The following HTT variants were observed in gnomAD, a reference collection of about 807,000 sequenced individuals.
HTT encodes the protein huntington disease protein.
HTT carries 104 observed loss-of-function variants against 362.3 expected under a neutral mutation model. The ratio of observed to expected loss-of-function variants is 0.29; its 90% CI spans 0.24 to 0.34. The LOEUF is 0.34. Among genes scored for constraint, HTT ranks in the 10% least tolerant of loss-of-function variants. The pLI is 1.00. For synonymous variants in HTT, 1,577 were observed against 1,548.7 expected, an observed-to-expected ratio of 1.02 and a Z score of -0.43; for missense variants, 3,301 against 3,928.6, an observed-to-expected ratio of 0.84 and a Z score of 4.27.
rs115388068 is a variant in HTT at position 3,171,421 on chromosome 4, G to A, written c.3865-899G>A. ...GCATTCTGAATGCCTAGGTATCTAG[G>A]CATTCAGAATGGTGGCGCTCTTTGA... On this transcript the variant is annotated intron_variant, in intron 29 of 66. Transcript: ENST00000355072. 3.2e-3 allele frequency among the ~76,000 whole-genome samples: 486 copies of A among 151,762 alleles called. 1 individual carries two copies. The highest frequency in any genetic ancestry group is 0.011 in the African/African-American group (472 of 41,390).
chr4:3,204,128 A>T lies in HTT; in HGVS notation c.5698A>T (p.Ile1900Phe). The T allele has an allele frequency of 6.2e-7, 1 of 1,614,186 alleles. No homozygotes were observed. Among genetic ancestry groups the T allele is most frequent in the Non-Finnish European group, 8.5e-7 (1 of 1,180,024 alleles). Residue 1900 changes from isoleucine to phenylalanine, a missense_variant, in exon 42 of 67, where the codon ATT (isoleucine) becomes TTT (phenylalanine). Ile to Phe is a conservative substitution (Grantham distance 21). This residue lies in a region of HTT where 2,316 missense variants were observed against 2,658.5 expected (regional missense o/e 0.87). Coordinates refer to ENST00000355072, the MANE Select transcript of HTT (RefSeq NM_001388492.1). ...NREIVRRGAL[I>F]LFCDYVCQNL... Reference sequence around the variant, plus strand: ...AGAAATAGTACGAAGAGGGGCTCTCATTCTCTTCTGTGATTATGTCGTAAG... The same window carrying T: ...AGAAATAGTACGAAGAGGGGCTCTCTTTCTCTTCTGTGATTATGTCGTAAG...
chr4:3,236,198 C>T lies in HTT; in HGVS notation c.8835C>T (p.Ala2945=). Residue 2945 remains alanine (A), a synonymous_variant, in exon 64 of 67, where the codon GCC becomes GCT. Transcript: ENST00000355072. ...PGRTSDPNPA[A]PDSESVIVAM... ...GAACTTCAGACCCTAATCCTGCAGC[C>T]CCCGACAGCGAGTCAGTGATTGTTG... is the stretch of plus-strand genomic sequence containing the variant. 1 of 1,614,196 alleles carries T rather than the reference C, an allele frequency of 6.2e-7. No individual in the cohort carries two copies. Among genetic ancestry groups the T allele is most frequent in the Non-Finnish European group, 8.5e-7 (1 of 1,180,006 alleles).
intron 29 of HTT, among the ~76,000 whole-genome samples, chr4:3,169,933 T>C (rs1241305402): frequency 1.3e-5 from 2 of 152,208 alleles, no homozygotes; most frequent in Non-Finnish European, 2.9e-5. Flanking sequence ...TTAGGTCTTT[T>C]AAAAATGTCT....
chr4:3,238,753 C>A, intron 65 of HTT, 65 bp from the exon 66 acceptor site: 1 of 1,216,194 alleles, frequency 8.2e-7, no homozygotes. Flanking sequence ...CCCCGCCACC[C>A]AGGCGCAGCA....
In HTT at chr4:3,084,220, T is replaced by C. The variant is rs1713078662; in HGVS notation, c.264-2719T>C. 3.1e-5 allele frequency among the ~76,000 whole-genome samples: 3 copies of C among 96,156 alleles called. 1 individual carries two copies. The South Asian group carries it at 8.7e-4, about 28-fold the overall frequency. 63.1% of individuals were successfully genotyped at this position (96,156 alleles called of 152,430 possible). A position where few individuals can be genotyped will look rare whatever the true frequency, so the allele number is the denominator to read the frequency against. On this transcript the variant is annotated intron_variant, in intron 1 of 66. Coordinates refer to ENST00000355072, the MANE Select transcript of HTT (RefSeq NM_001388492.1). ...TGTCTTTTTTTTTTTTTTTTTTTTT[T>C]TGGCGACAGAGTCTTGCTCTGTTGC...
At chr4:3,077,825 CT>C (rs1411313213) in intron 1 of HTT, among the ~76,000 whole-genome samples, 2 of 152,078 alleles carry the variant, frequency 1.3e-5, no homozygotes, top group African/African-American at 4.8e-5. Flanking sequence ...TCATATTTCT[CT>C]GTATTTTGCT....
At chr4:3,236,849 C>G (rs142777746) in intron 64 of HTT, among the ~76,000 whole-genome samples, 2 of 151,882 alleles carry the variant, frequency 1.3e-5, no homozygotes, top group Non-Finnish European at 2.9e-5. Context: ...GGCTTTTTCT[C>G]AAGGACAAGG....
In HTT at chr4:3,229,979, A is replaced by G. The variant is rs200586785; in HGVS notation, c.8202A>G (p.Glu2734=). Residue 2734 remains glutamate, a synonymous_variant, in exon 60 of 67, where the codon GAA becomes GAG. Transcript: ENST00000355072. ...AACTGCGAAGGGTGCACCCTTCAGA[A>G]GACGAGATCCTCGCTCAGTACCTGG... is the stretch of plus-strand genomic sequence containing the variant. ...LTELRRVHPS[E]DEILAQYLVP... 23 of 1,614,074 alleles carry G rather than the reference A, an allele frequency of 1.4e-5. No individual in the cohort carries two copies. In the African/African-American group the frequency reaches 2.8e-4, roughly 20 times the overall value.
At chr4:3,172,710 A>G (rs573132713) in intron 30 of HTT, among the ~76,000 whole-genome samples, 198 bp from the exon 31 acceptor site, 3 of 152,354 alleles carry the variant, frequency 2.0e-5, no homozygotes, top group African/African-American at 7.2e-5. Context: ...AAGGAAACCC[A>G]AAACGCCTAT....
intron 63 of HTT, 152 bp from the exon 64 acceptor site, chr4:3,235,997 C>G (rs887153370): frequency 1.2e-5 from 9 of 723,240 alleles, no homozygotes; most frequent in Admixed American, 2.2e-5. Flanking sequence ...TCCCATGTGG[C>G]TGAGCTGGGC....
rs143282685 is a variant in HTT, at chr4:3,211,195, C to T, written c.6415-734C>T. 2.6e-4 allele frequency among the ~76,000 whole-genome samples: 39 copies of T among 152,290 alleles called. No homozygotes were observed. The East Asian group carries it at 7.3e-3, about 29-fold the overall frequency. ...CTGGGATTATAGGCCTGAGCCACCA[C>T]GCCCGGCCTAAAATTGTTTATCTTA... is the stretch of plus-strand genomic sequence containing the variant. On this transcript the variant is annotated intron_variant, in intron 47 of 66. Coordinates refer to ENST00000355072, the MANE Select transcript of HTT (RefSeq NM_001388492.1).
At chr4:3,189,587 T>A (rs920571761) in intron 40 of HTT, among the ~76,000 whole-genome samples, 1 of 152,190 alleles carries the variant, frequency 6.6e-6, no homozygotes, top group Non-Finnish European at 1.5e-5. Flanking sequence ...TTCATAGATA[T>A]AGAAAGTAGA....
At position 3,240,020 on chromosome 4, in the gene HTT, G is replaced by T; in HGVS notation, c.9390G>T (p.Leu3130=). The change falls in exon 67 of 67, where the codon CTG becomes CTT. Residue 3130 remains leucine (L), a synonymous_variant. Coordinates refer to ENST00000355072, the MANE Select transcript of HTT (RefSeq NM_001388492.1). ...CAGGAAGCCCATATCACCGGCTGCTGACTTGTTTACGAAATGTCCACAAGG... is the reference window on the plus strand; with the variant it reads ...CAGGAAGCCCATATCACCGGCTGCTTACTTGTTTACGAAATGTCCACAAGG... ...AAPGSPYHRL[L]TCLRNVHKVT... is the part of the protein sequence containing the mutation. 6.2e-7 allele frequency: 1 copy of T among 1,600,262 alleles called. No homozygotes were observed. Among genetic ancestry groups the T allele is most frequent in the South Asian group, 1.1e-5 (1 of 88,346 alleles).
At chr4:3,145,680 C>T (rs944602932) in intron 24 of HTT, among the ~76,000 whole-genome samples, 1 of 152,214 alleles carries the variant, frequency 6.6e-6, no homozygotes, top group African/African-American at 2.4e-5. Flanking sequence ...GCCCTACTAG[C>T]ATCTGGGAAA....
chr4:3,146,310 T>TA (rs1312271852), intron 24 of HTT, among the ~76,000 whole-genome samples: 1 of 152,210 alleles, frequency 6.6e-6, no homozygotes, highest in Non-Finnish European at 1.5e-5. Flanking sequence ...TACTACAAGA[T>TA]ATGGCGTGTT....
At chr4:3,090,385 G>A (rs1713436744) in intron 2 of HTT, among the ~76,000 whole-genome samples, 1 of 152,168 alleles carries the variant, frequency 6.6e-6, no homozygotes, top group East Asian at 1.9e-4. Context: ...TTCTGTTTGA[G>A]TAGGTAGGGA....
At chr4:3,236,316 G>C (rs1721528743) in intron 64 of HTT, 62 bp downstream of exon 64, 1 of 1,128,058 alleles carries the variant, frequency 8.9e-7, no homozygotes, top group African/African-American at 1.5e-5. Context: ...CTGAAGCTGT[G>C]CTTTTGTGTG....
chr4:3,129,905 C>T lies in HTT; in HGVS notation c.1744-19C>T, dbSNP rs538023901. ...TGATCACACTTCAAAATTCTCACAG[C>T]CCCCCTTGAACCGTTTAGGTGTTAG... On this transcript the variant is annotated intron_variant, in intron 12 of 66. Coordinates refer to ENST00000355072, the MANE Select transcript of HTT (RefSeq NM_001388492.1). The T allele has an allele frequency of 7.4e-6, 12 of 1,613,794 alleles. No individual in the cohort carries two copies. The East Asian group carries it at 2.0e-4, about 27-fold the overall frequency.
chr4:3,114,163 G>T (rs201041401), intron 6 of HTT, among the ~76,000 whole-genome samples: 1 of 152,236 alleles, frequency 6.6e-6, no homozygotes, highest in Non-Finnish European at 1.5e-5. Flanking sequence ...CTAGTTAACC[G>T]CAGCAGGAGC....
Sources: gnomAD v4.1 joint callset for allele counts (sites outside exome capture counted in the v4.1 genomes callset) on GRCh38, gnomAD v4.1.1 for gene constraint, gnomAD v4.1.1 regional missense constraint, MANE v1.5 for transcripts, NCBI Gene and HGNC (gene_info 2026-07-23, HGNC 2026-07-21) for gene names.